The following SLC12A1 variants were observed in gnomAD, a reference collection of about 807,000 sequenced individuals.
The protein encoded by SLC12A1 is solute carrier family 12 member 1.
SLC12A1 carries 89 observed loss-of-function variants against 130.4 expected under a neutral mutation model. The ratio of observed to expected loss-of-function variants is 0.68; its 90% CI spans 0.58 to 0.81. The LOEUF is 0.81. SLC12A1 is among the 40% of genes least tolerant of loss of function. The pLI is 0.00. For missense variants in SLC12A1, 1,310 were observed against 1,336.4 expected (o/e 0.98, Z 0.31); for synonymous variants, 499 against 460.0 (o/e 1.08, Z -1.09).
intron 19 of SLC12A1, among the ~76,000 whole-genome samples, chr15:48,271,249 A>T (rs1260647662): frequency 6.6e-6 from 1 of 152,124 alleles, no homozygotes; most frequent in Non-Finnish European, 1.5e-5. Flanking sequence ...CATTTCTTCT[A>T]GGCTTGAAAA....
chr15:48,229,384 C>T, intron 6 of SLC12A1, 56 bp downstream of exon 6: 3 of 1,510,674 alleles, frequency 2.0e-6, no homozygotes, highest in South Asian at 1.2e-5. Flanking sequence ...TTTAGTTTGC[C>T]TTCTCAGGGC....
Position 48,241,594 on chromosome 15 carries a change from G to A in SLC12A1, c.1295G>A (p.Cys432Tyr), listed in dbSNP as rs777588038. Reference sequence around the variant, plus strand: ...GTTGCCTACTTAGGGGTTGCAATTTGTGTAGGTAAGTGGTACGTCTCCAGT... The same window carrying A: ...GTTGCCTACTTAGGGGTTGCAATTTATGTAGGTAAGTGGTACGTCTCCAGT... ...TTVAYLGVAICVGACVVRDAT... is the reference protein window; with the variant it reads ...TTVAYLGVAIYVGACVVRDAT... Residue 432 changes from cysteine (C) to tyrosine (Y), a missense_variant, in exon 10 of 27, where the codon TGT (cysteine) becomes TAT (tyrosine). Physicochemically the swap from Cys to Tyr is radical, Grantham distance 194. Transcript: ENST00000380993. The A allele has an allele frequency of 3.7e-6, 6 of 1,611,306 alleles. No individual in the cohort carries two copies. In the South Asian group the frequency reaches 5.5e-5, roughly 15 times the overall value.
chr15:48,233,414 A>G (rs1306206488), intron 8 of SLC12A1, among the ~76,000 whole-genome samples: 1 of 152,230 alleles, frequency 6.6e-6, no homozygotes, highest in African/African-American at 2.4e-5. Context: ...AAAGTCAAAC[A>G]TAGTCATTTC....
At chr15:48,275,142 GT>G (rs2041938220) in intron 20 of SLC12A1, among the ~76,000 whole-genome samples, 1 of 152,102 alleles carries the variant, frequency 6.6e-6, no homozygotes. Context: ...GTGACTCTTT[GT>G]TTTTTCCCTG....
At chr15:48,247,163 G>C in intron 12 of SLC12A1, 147 bp downstream of exon 12, 1 of 951,368 alleles carries the variant, frequency 1.1e-6, no homozygotes, top group South Asian at 1.6e-5. Context: ...TTCTATGTCT[G>C]CCACATAGTC....
intron 13 of SLC12A1, among the ~76,000 whole-genome samples, chr15:48,247,798 G>T (rs2041600391): frequency 6.6e-6 from 1 of 152,140 alleles, no homozygotes; most frequent in African/African-American, 2.4e-5. Flanking sequence ...GAATTGAATT[G>T]CCTGTTAGTG....
intron 18 of SLC12A1, 56 bp from the exon 19 acceptor site, chr15:48,269,602 G>T: frequency 2.3e-6 from 2 of 870,752 alleles, no homozygotes; most frequent in South Asian, 1.5e-5. Context: ...TTTCATTTGT[G>T]ATGGTAGTTT....
Position 48,267,672 on chromosome 15 carries a change from T to C in SLC12A1, c.2266T>C (p.Phe756Leu). 6.2e-7 allele frequency: 1 copy of C among 1,613,474 alleles called. No homozygotes were observed. The highest frequency in any genetic ancestry group is 8.5e-7 in the Non-Finnish European group (1 of 1,179,536). Residue 756 changes from phenylalanine (F) to leucine (L), a missense_variant, in exon 18 of 27, where the codon TTC (phenylalanine) becomes CTC (leucine). By Grantham distance (22) the Phe-to-Leu change is conservative. Transcript: ENST00000380993. ...TTATGCTGCAGTGGCGGCAGACTGTTTCAGGGATGGTGTCCGAAGTCTTCT... is the reference window on the plus strand; with the variant it reads ...TTATGCTGCAGTGGCGGCAGACTGTCTCAGGGATGGTGTCCGAAGTCTTCT... ...AFYAAVAADC[F>L]RDGVRSLLQA...
At chr15:48,233,158 G>A (rs913231983) in intron 8 of SLC12A1, among the ~76,000 whole-genome samples, 2 of 152,182 alleles carry the variant, frequency 1.3e-5, no homozygotes, top group African/African-American at 4.8e-5. Context: ...GAAAGAGCCT[G>A]GAGTTGGATT....
chr15:48,210,246 C>T (rs1325731937), intron 2 of SLC12A1, among the ~76,000 whole-genome samples: 2 of 152,070 alleles, frequency 1.3e-5, no homozygotes, highest in East Asian at 3.9e-4. Flanking sequence ...TAAAATGAAT[C>T]AAAGTTCTTT....
chr15:48,237,124 C>A, intron 9 of SLC12A1: 1 of 665,364 alleles, frequency 1.5e-6, no homozygotes, highest in Non-Finnish European at 2.7e-6. Flanking sequence ...AATTGCCTGT[C>A]CCCTCAAAAA....
intron 8 of SLC12A1, among the ~76,000 whole-genome samples, chr15:48,233,156 C>T (rs1295078700): frequency 1.3e-5 from 2 of 152,104 alleles, no homozygotes; most frequent in Non-Finnish European, 2.9e-5. Flanking sequence ...AGGAAAGAGC[C>T]TGGAGTTGGA....
intron 18 of SLC12A1, among the ~76,000 whole-genome samples, chr15:48,269,118 AAAC>A (rs1316651317): frequency 3.3e-5 from 5 of 152,346 alleles, no homozygotes; most frequent in African/African-American, 1.2e-4. Context: ...TAATGAAGGG[AAAC>A]AACACTTCTG....
chr15:48,237,599 T>C (rs2041454226), intron 9 of SLC12A1, among the ~76,000 whole-genome samples: 1 of 152,226 alleles, frequency 6.6e-6, no homozygotes, highest in Non-Finnish European at 1.5e-5. Flanking sequence ...ATGGTCATAA[T>C]ATTATTGTAG....
chr15:48,290,526 G>C (rs1317634163), intron 23 of SLC12A1, among the ~76,000 whole-genome samples: 1 of 152,144 alleles, frequency 6.6e-6, no homozygotes, highest in Non-Finnish European at 1.5e-5. Flanking sequence ...CAGTTGGTTT[G>C]TTTACACCAG....
rs1597467021 is a variant in SLC12A1, at chr15:48,303,135, A to G, written c.*250A>G. 1.4e-4 allele frequency: 40 copies of G among 293,038 alleles called. No homozygotes were observed. The East Asian group carries it at 2.4e-3, about 17-fold the overall frequency. 18.2% of individuals were successfully genotyped at this position (293,038 alleles called of 1,614,324 possible). A position where few individuals can be genotyped will look rare whatever the true frequency, so the allele number is the denominator to read the frequency against. ...TTGTCACTGCTGTTGATAAACAAGAAAATCAAGGAAACTCATGTTGGCTTA... is the reference window on the plus strand; with the variant it reads ...TTGTCACTGCTGTTGATAAACAAGAGAATCAAGGAAACTCATGTTGGCTTA... On this transcript the variant is annotated 3_prime_UTR_variant, in exon 27 of 27. Transcript: ENST00000380993.
intron 4 of SLC12A1, chr15:48,225,966 C>G: frequency 1.2e-6 from 1 of 838,674 alleles, no homozygotes. Flanking sequence ...ACTTGTGACC[C>G]GCACCATCAT....
In SLC12A1 at chr15:48,302,897, T is replaced by C. The variant is rs376778228; in HGVS notation, c.*12T>C. 1,174 of 1,582,982 alleles carry C rather than the reference T, an allele frequency of 7.4e-4. No individual in the cohort carries two copies. Among genetic ancestry groups the C allele is most frequent in the Non-Finnish European group, 9.4e-4 (1,087 of 1,153,796 alleles). ...CATTTTACTCTTAAAACATGAAAGA[T>C]TGGAATACATTTTAACTTAATGTAA... On this transcript the variant is annotated 3_prime_UTR_variant, in exon 27 of 27. Transcript: ENST00000380993.
At chr15:48,272,793 C>A (rs1005969691) in intron 19 of SLC12A1, among the ~76,000 whole-genome samples, 16 of 151,956 alleles carry the variant, frequency 1.1e-4, no homozygotes, top group African/African-American at 2.2e-4. Context: ...TAACAAATTA[C>A]CTCAAAATTT....
Sources: gnomAD v4.1 joint callset for allele counts (sites outside exome capture counted in the v4.1 genomes callset) on GRCh38, gnomAD v4.1.1 for gene constraint, MANE v1.5 for transcripts, NCBI Gene and HGNC (gene_info 2026-07-23, HGNC 2026-07-21) for gene names.